Variants in DNAAF9 observed in about 807,000 individuals in gnomAD.
DNAAF9 encodes the protein shulin.
DNAAF9 carries 90 observed loss-of-function variants against 167.0 expected under a neutral mutation model. The observed-to-expected ratio is 0.54, with a 90% CI of 0.45 to 0.64. The LOEUF (loss-of-function observed/expected upper bound fraction) is 0.64. Ranked by LOEUF, DNAAF9 falls within the 30% of genes least tolerant of loss-of-function variation. The pLI, the probability that DNAAF9 is intolerant of heterozygous loss-of-function variation, is 0.00. For missense variants in DNAAF9, 1,315 were observed against 1,442.2 expected, an observed-to-expected ratio of 0.91 and a Z score of 1.43; for synonymous variants, 491 against 508.8, an observed-to-expected ratio of 0.96 and a Z score of 0.47.
At chr20:3,325,526 A>T (rs1393740322) in intron 13 of DNAAF9, among the ~76,000 whole-genome samples, 1 of 152,174 alleles carries the variant, frequency 6.6e-6, no homozygotes, top group African/African-American at 2.4e-5. Context: ...AGGAGGGGAG[A>T]TGGCAAGGAG....
At chr20:3,376,061 T>C in intron 4 of DNAAF9, 117 bp downstream of exon 4, 5 of 937,632 alleles carry the variant, frequency 5.3e-6, no homozygotes. Flanking sequence ...AAACAGATAA[T>C]CTTTTTTATA....
rs117774159 is a variant in DNAAF9 at position 3,376,602 on chromosome 20, G to A, written c.284-300C>T. On this transcript the variant is annotated intron_variant, in intron 3 of 36. Coordinates refer to ENST00000252032, the MANE Select transcript of DNAAF9 (RefSeq NM_001009984.3). Reference sequence around the variant, plus strand: ...TAACAGCTTGATTTTAGACTTTTTAGGGAAACAGAAGTTACCAGCAGACAT... The same window carrying A: ...TAACAGCTTGATTTTAGACTTTTTAAGGAAACAGAAGTTACCAGCAGACAT... 4.2e-3 allele frequency among the ~76,000 whole-genome samples: 635 copies of A among 152,286 alleles called. 1 individual carries two copies. Among genetic ancestry groups the A allele is most frequent in the Middle Eastern group, 6.8e-3 (2 of 294 alleles).
At chr20:3,356,251 C>A (rs2083285287) in intron 7 of DNAAF9, among the ~76,000 whole-genome samples, 1 of 152,164 alleles carries the variant, frequency 6.6e-6, no homozygotes, top group Non-Finnish European at 1.5e-5. Flanking sequence ...CTCCTGACCT[C>A]AGGTGATCCA....
intron 10 of DNAAF9, among the ~76,000 whole-genome samples, chr20:3,337,563 T>C (rs1438774247): frequency 1.3e-5 from 2 of 152,096 alleles, no homozygotes; most frequent in Admixed American, 1.3e-4. Flanking sequence ...TGTCAGTTAA[T>C]TCTCACATCT....
rs188323151 is a variant in DNAAF9, at chr20:3,298,164, A to C, written c.1794T>G (p.Ser598Arg). ...AGTCTATGAGAAGAGCAGCAACAGTACTGGTGGAATCCTAAAGCGAAAAGG... is the reference window on the plus strand; with the variant it reads ...AGTCTATGAGAAGAGCAGCAACAGTCCTGGTGGAATCCTAAAGCGAAAAGG... ...SISFYDGDST[S>R]TVAALLIDFK... The change falls in exon 22 of 37, where the codon AGT becomes AGG. Residue 598 changes from serine to arginine, a missense_variant. Ser to Arg is a moderately radical substitution (Grantham distance 110). Coordinates refer to ENST00000252032, the MANE Select transcript of DNAAF9 (RefSeq NM_001009984.3). 1.4e-5 allele frequency: 22 copies of C among 1,613,528 alleles called. No individual in the cohort carries two copies. The Admixed American group carries it at 3.7e-4, about 27-fold the overall frequency.
chr20:3,332,769 T>C (rs1449192786), intron 10 of DNAAF9, among the ~76,000 whole-genome samples: 3 of 152,154 alleles, frequency 2.0e-5, no homozygotes, highest in African/African-American at 7.2e-5. Flanking sequence ...TGGCCAGAAA[T>C]AAATTTTCTT....
intron 14 of DNAAF9, among the ~76,000 whole-genome samples, chr20:3,324,460 C>A (rs2069674449): frequency 6.6e-6 from 1 of 151,982 alleles, no homozygotes; most frequent in Admixed American, 6.6e-5. Flanking sequence ...ATGATGCAGA[C>A]CCCAGGACAC....
At chr20:3,402,443 A>T (rs1040696309) in intron 1 of DNAAF9, among the ~76,000 whole-genome samples, 1 of 152,146 alleles carries the variant, frequency 6.6e-6, no homozygotes, top group African/African-American at 2.4e-5. Context: ...CATTAACTAT[A>T]GTTACCATGT....
Position 3,315,710 on chromosome 20 carries a change from C to T in DNAAF9, c.1590+25G>A, listed in dbSNP as rs375313968. ...ACATTATTTTTTGATATAATGTTCA[C>T]ACTGAGAATAAGAAGGCTGCTTACC... On this transcript the variant is annotated intron_variant, in intron 19 of 36. Coordinates refer to ENST00000252032, the MANE Select transcript of DNAAF9 (RefSeq NM_001009984.3). This position sits in a 1 kb window ranked among gnomAD's most constrained non-coding sequence, Gnocchi z 4.1. 6.3e-7 allele frequency: 1 copy of T among 1,581,564 alleles called. No individual in the cohort carries two copies. Among genetic ancestry groups the T allele is most frequent in the Non-Finnish European group, 8.7e-7 (1 of 1,150,330 alleles).
chr20:3,260,010 A>G lies in DNAAF9; in HGVS notation c.2892T>C (p.Asn964=). 6.2e-7 allele frequency: 1 copy of G among 1,609,504 alleles called. No individual in the cohort carries two copies. Among genetic ancestry groups the G allele is most frequent in the African/African-American group, 1.3e-5 (1 of 74,964 alleles). ...CCATTAGGGGATAGACTGATCCAGC[A>G]TTCAATTTACCTTCATACCTTAAAA... The part of the protein sequence containing the change: ...MYPGWYEGKL[N]AGSVYPLMVQ... The change falls in exon 32 of 37, where the codon AAT becomes AAC. Residue 964 remains asparagine (N), a synonymous_variant. Coordinates refer to ENST00000252032, the MANE Select transcript of DNAAF9 (RefSeq NM_001009984.3).
At chr20:3,390,115 A>G (rs1265353895) in intron 1 of DNAAF9, among the ~76,000 whole-genome samples, 1 of 152,074 alleles carries the variant, frequency 6.6e-6, no homozygotes. Flanking sequence ...ATTTGATACC[A>G]TTAGGGATCT....
intron 26 of DNAAF9, among the ~76,000 whole-genome samples, chr20:3,289,580 C>T (rs373548477): frequency 6.8e-4 from 103 of 152,096 alleles, no homozygotes; most frequent in African/African-American, 2.3e-3. Flanking sequence ...GATGCAGTGG[C>T]GCAATCTCAG....
intron 27 of DNAAF9, among the ~76,000 whole-genome samples, chr20:3,282,574 T>C (rs1165368887): frequency 6.6e-6 from 1 of 152,192 alleles, no homozygotes; most frequent in Non-Finnish European, 1.5e-5. Flanking sequence ...AACCCGCTGG[T>C]GGCTTCCATC....
rs374383673 is a variant in DNAAF9, at chr20:3,382,548, G to T, written c.84-42C>A. 32 of 1,503,920 alleles carry T rather than the reference G, an allele frequency of 2.1e-5. No individual in the cohort carries two copies. In the African/African-American group the frequency reaches 3.7e-4, roughly 17 times the overall value. The allele number at this position is 1,503,920 out of a possible 1,614,324, so 93.2% of individuals were successfully genotyped here. ...AAATGGTCCCCTGAGTGCCAGGACA[G>T]CCCCATGAGAAGAGCAGCATCCTGT... On this transcript the variant is annotated intron_variant, in intron 1 of 36. Coordinates refer to ENST00000252032, the MANE Select transcript of DNAAF9 (RefSeq NM_001009984.3).
chr20:3,322,648 G>A lies in DNAAF9; in HGVS notation c.1310+4C>T, dbSNP rs752196910. 15 of 1,607,158 alleles carry A rather than the reference G, an allele frequency of 9.3e-6. No individual in the cohort carries two copies. The highest frequency in any genetic ancestry group is 3.3e-5 in the South Asian group (3 of 90,950). On this transcript the variant is annotated splice_donor_region_variant and intron_variant, in intron 15 of 36. Transcript: ENST00000252032. ...GTAAGGATGCACCACAATCATATAC[G>A]CACCTTCCCTGATTATTCACAGCAT...
At chr20:3,284,109 A>G (rs1157738936) in intron 27 of DNAAF9, among the ~76,000 whole-genome samples, 3 of 149,416 alleles carry the variant, frequency 2.0e-5, no homozygotes, top group Admixed American at 6.7e-5. Context: ...ATCCTGGGTG[A>G]GGCCTCCAGA....
chr20:3,263,932 T>C (rs927984330), intron 31 of DNAAF9, among the ~76,000 whole-genome samples: 2 of 152,230 alleles, frequency 1.3e-5, no homozygotes, highest in African/African-American at 4.8e-5. Context: ...TTGGTATTAG[T>C]ATGATTACAG....
At chr20:3,316,839 G>A (rs747448979) in intron 17 of DNAAF9, 46 bp from the exon 18 acceptor site, 11 of 1,433,880 alleles carry the variant, frequency 7.7e-6, no homozygotes, top group South Asian at 6.9e-5. Flanking sequence ...TACCAGCTCA[G>A]CCTGCCTTGC....
chr20:3,295,807 G>T, intron 23 of DNAAF9: 1 of 856,798 alleles, frequency 1.2e-6, no homozygotes, highest in Non-Finnish European at 2.0e-6. Flanking sequence ...ATATTCAGTG[G>T]ATCATCAAAA....
Sources: gnomAD v4.1 joint callset for allele counts (sites outside exome capture counted in the v4.1 genomes callset) on GRCh38, gnomAD v4.1.1 for gene constraint, Gnocchi (gnomAD v3.1) non-coding constraint, MANE v1.5 for transcripts, NCBI Gene and HGNC (gene_info 2026-07-23, HGNC 2026-07-21) for gene names.